CA7: variants seen among roughly 807,000 people sequenced by gnomAD.
CA7 encodes carbonate dehydratase VII.
In CA7, 13 loss-of-function variants were observed where a neutral mutation model predicts 31.4. That is an observed-to-expected ratio of 0.41 (90% CI 0.27 to 0.66). The LOEUF (loss-of-function observed/expected upper bound fraction) is 0.66. Ranked by LOEUF, CA7 falls within the 30% of genes least tolerant of loss-of-function variation. CA7 has a pLI of 0.28. For missense variants in CA7, 215 were observed against 351.0 expected, an observed-to-expected ratio of 0.61 and a Z score of 3.10; for synonymous variants, 128 against 133.2, an observed-to-expected ratio of 0.96 and a Z score of 0.27.
At chr16:66,851,397 G>C (rs1961045368) in intron 3 of CA7, 66 bp from the exon 4 acceptor site, 4 of 1,305,618 alleles carry the variant, frequency 3.1e-6, no homozygotes, top group South Asian at 1.2e-5. Context: ...GGAGTGAGGG[G>C]AGCCTGGCTC....
At chr16:66,851,240 G>T (rs965656935) in intron 3 of CA7, among the ~76,000 whole-genome samples, 3 of 152,208 alleles carry the variant, frequency 2.0e-5, no homozygotes, top group Non-Finnish European at 4.4e-5. Context: ...ATTCCTCTTT[G>T]GGTCCCCCGG....
Position 66,853,421 on chromosome 16 carries a change from A to G in CA7, c.718A>G (p.Arg240Gly), listed in dbSNP as rs2145387457. The change falls in exon 7 of 7, where the codon AGG becomes GGG. Residue 240 changes from arginine (R) to glycine (G), a missense_variant. Physicochemically the swap from Arg to Gly is moderately radical, Grantham distance 125. Transcript: ENST00000338437. The surrounding 1 kb of genome is among the most constrained non-coding windows in gnomAD (Gnocchi z 4.5). ...SLLFTSEDDE[R>G]IHMVNNFRPP... Reference sequence around the variant, plus strand: ...GCTTTTTACCTCGGAGGACGATGAGAGGATCCACATGGTGAACAACTTCCG... The same window carrying G: ...GCTTTTTACCTCGGAGGACGATGAGGGGATCCACATGGTGAACAACTTCCG... The G allele has an allele frequency of 6.2e-7, 1 of 1,614,154 alleles. No individual in the cohort carries two copies. The highest frequency in any genetic ancestry group is 1.3e-5 in the African/African-American group (1 of 75,036).
Position 66,852,592 on chromosome 16 carries a change from A to AG in CA7, c.517-120_517-119insG, listed in dbSNP as rs1961085034. 1.1e-5 allele frequency: 6 copies of AG among 553,372 alleles called. No individual in the cohort carries two copies. In the South Asian group the frequency reaches 3.2e-4, roughly 29 times the overall value. 34.3% of individuals were successfully genotyped at this position (553,372 alleles called of 1,614,324 possible). On this transcript the variant is annotated intron_variant, in intron 5 of 6. Coordinates refer to ENST00000338437, the MANE Select transcript of CA7 (RefSeq NM_005182.3). The stretch of plus-strand genomic sequence containing the variant: ...AAAAAGAAAGAAAAGAAAAGAAAAA[A>AG]AAAAGAAAAGAAAAGAAAAAAGAAA...
Position 66,844,976 on chromosome 16 carries a change from A to G in CA7, c.40+449A>G, listed in dbSNP as rs1326752052. 24 of 994,608 alleles carry G rather than the reference A, an allele frequency of 2.4e-5. No homozygotes were observed. In the Admixed American group the frequency reaches 1.5e-3, roughly 60 times the overall value. The allele number at this position is 994,608 out of a possible 1,614,324, so 61.6% of individuals were successfully genotyped here. On this transcript the variant is annotated intron_variant, in intron 1 of 6. Coordinates refer to ENST00000338437, the MANE Select transcript of CA7 (RefSeq NM_005182.3). ...TCGGGGGAGCGGGGCTCCGCGTGGCAAGGGCGCAGTGTCCCCCGGAGAGAA... is the reference window on the plus strand; with the variant it reads ...TCGGGGGAGCGGGGCTCCGCGTGGCGAGGGCGCAGTGTCCCCCGGAGAGAA...
In CA7 at chr16:66,847,015, C is replaced by T. The variant is rs777536968; in HGVS notation, c.41-15C>T. The T allele has an allele frequency of 6.2e-7, 1 of 1,613,670 alleles. No homozygotes were observed. The highest frequency in any genetic ancestry group is 1.7e-5 in the Admixed American group (1 of 59,996). On this transcript the variant is annotated splice_polypyrimidine_tract_variant and intron_variant, in intron 1 of 6. Transcript: ENST00000338437. ...CCTGGCTGGCCTGAGTCCTTGCCCT[C>T]CTCCCCACCTGCAGGCCCCTCGCAT...
In CA7 at chr16:66,852,816, G is replaced by A. The variant is rs550202479; in HGVS notation, c.621G>A (p.Glu207=). ...PGSLTTPPLS[E]SVTWIVLREP... ...CTCTGACGACTCCCCCACTCAGTGA[G>A]AGTGTCACCTGGATTGTGCTCCGGG... The change falls in exon 6 of 7, where the codon GAG becomes GAA. Residue 207 remains glutamate (E), a synonymous_variant. Transcript: ENST00000338437. 6.2e-7 allele frequency: 1 copy of A among 1,614,082 alleles called. No individual in the cohort carries two copies. Among genetic ancestry groups the A allele is most frequent in the Non-Finnish European group, 8.5e-7 (1 of 1,180,020 alleles).
At chr16:66,848,636 G>A in intron 2 of CA7, among the ~76,000 whole-genome samples, 1 of 152,316 alleles carries the variant, frequency 6.6e-6, no homozygotes, top group Middle Eastern at 3.4e-3. Context: ...CCCACTGTGG[G>A]TCACTCCAGA....
At chr16:66,844,851 C>T in intron 1 of CA7, 2 of 1,014,050 alleles carry the variant, frequency 2.0e-6, no homozygotes, top group Non-Finnish European at 2.5e-6. Flanking sequence ...CCCGGGCGTG[C>T]GCAGCGCGTG....
At chr16:66,851,026 G>T (rs563970300) in intron 3 of CA7, among the ~76,000 whole-genome samples, 1 of 152,220 alleles carries the variant, frequency 6.6e-6, no homozygotes, top group East Asian at 1.9e-4. Context: ...CGAATCCCCT[G>T]TCCACACCTG....
At chr16:66,847,345 A>C in intron 2 of CA7, 118 bp downstream of exon 2, 1 of 836,208 alleles carries the variant, frequency 1.2e-6, no homozygotes, top group Non-Finnish European at 1.9e-6. Flanking sequence ...TCCTCTCACC[A>C]GCTGTGAAGC....
chr16:66,849,306 G>C (rs1229230618), intron 2 of CA7, among the ~76,000 whole-genome samples: 2 of 152,182 alleles, frequency 1.3e-5, no homozygotes, highest in East Asian at 3.8e-4. Flanking sequence ...ACCTGGGCCT[G>C]TCCAGGAAGG....
chr16:66,845,508 G>A (rs1960911476), intron 1 of CA7, among the ~76,000 whole-genome samples: 1 of 152,178 alleles, frequency 6.6e-6, no homozygotes, highest in East Asian at 1.9e-4. Flanking sequence ...GGAGGGTGCT[G>A]TGGAGTCTTT....
At position 66,853,570 on chromosome 16, in the gene CA7, C is replaced by T. The variant is rs1350798206; in HGVS notation, c.*72C>T. 1 of 1,586,732 alleles carries T rather than the reference C, an allele frequency of 6.3e-7. No homozygotes were observed. The highest frequency in any genetic ancestry group is 8.6e-7 in the Non-Finnish European group (1 of 1,166,248). On this transcript the variant is annotated 3_prime_UTR_variant, in exon 7 of 7. Coordinates refer to ENST00000338437, the MANE Select transcript of CA7 (RefSeq NM_005182.3). This position sits in a 1 kb window ranked among gnomAD's most constrained non-coding sequence, Gnocchi z 4.5. ...GCTTCCATGTCAGCAGACACCAAAC[C>T]ATCTGAGGCTTCCTCCCTGGGGGGT...
At chr16:66,849,247 A>G (rs1222013445) in intron 2 of CA7, among the ~76,000 whole-genome samples, 2 of 152,158 alleles carry the variant, frequency 1.3e-5, no homozygotes, top group Non-Finnish European at 2.9e-5. Context: ...AGCCAGCACA[A>G]GTGGGGCCCT....
chr16:66,852,739 A>G lies in CA7; in HGVS notation c.544A>G (p.Asn182Asp). 6.2e-7 allele frequency: 1 copy of G among 1,613,928 alleles called. No homozygotes were observed. The highest frequency in any genetic ancestry group is 8.5e-7 in the Non-Finnish European group (1 of 1,179,864). ...CACCAAAGCCCAGTTCAGCTGCTTC[A>G]ACCCCAAGTGCCTCCTGCCTGCCAG... ...KGTKAQFSCF[N>D]PKCLLPASRH... Residue 182 changes from asparagine to aspartate, a missense_variant, in exon 6 of 7, where the codon AAC (asparagine) becomes GAC (aspartate). Coordinates refer to ENST00000338437, the MANE Select transcript of CA7 (RefSeq NM_005182.3).
chr16:66,847,502 T>C (rs1960954968), intron 2 of CA7, among the ~76,000 whole-genome samples: 1 of 152,196 alleles, frequency 6.6e-6, no homozygotes, highest in African/African-American at 2.4e-5. Flanking sequence ...ATTTCTTTCC[T>C]TCCCTTCCTT....
intron 3 of CA7, 101 bp downstream of exon 3, chr16:66,850,760 G>C (rs1961028579): frequency 4.6e-6 from 4 of 872,274 alleles, no homozygotes; most frequent in African/African-American, 1.7e-5. Flanking sequence ...CCTTGGAGAG[G>C]GGGAAGAGGA....
chr16:66,845,526 T>C (rs1960912443), intron 1 of CA7, among the ~76,000 whole-genome samples: 2 of 152,102 alleles, frequency 1.3e-5, no homozygotes, highest in African/African-American at 4.8e-5. Flanking sequence ...TTTGGCTCCC[T>C]CTGGGGCCCC....
At chr16:66,848,851 A>G (rs1017948826) in intron 2 of CA7, among the ~76,000 whole-genome samples, 13 of 152,112 alleles carry the variant, frequency 8.5e-5, no homozygotes, top group Non-Finnish European at 1.0e-4. Context: ...GACCTATCCA[A>G]TTGCTTAGCC....
Sources: gnomAD v4.1 joint callset for allele counts (sites outside exome capture counted in the v4.1 genomes callset) on GRCh38, gnomAD v4.1.1 for gene constraint, Gnocchi (gnomAD v3.1) non-coding constraint, MANE v1.5 for transcripts, NCBI Gene and HGNC (gene_info 2026-07-23, HGNC 2026-07-21) for gene names.